The following IQCM variants were observed in gnomAD, a reference collection of about 807,000 sequenced individuals.
IQCM encodes the protein IQ motif containing M.
IQCM carries 45 observed loss-of-function variants against 57.6 expected under a neutral mutation model. That is an observed-to-expected ratio of 0.78 (90% CI 0.62 to 1.00). The LOEUF is 1.00. Among genes scored for constraint, IQCM ranks in the 50% least tolerant of loss-of-function variants. IQCM has a pLI of 0.00. For synonymous variants in IQCM, 148 were observed against 158.9 expected (o/e 0.93, Z 0.51); for missense variants, 468 against 511.6 (o/e 0.91, Z 0.82).
chr4:149,794,665 T>A (rs946326915), intron 2 of IQCM, among the ~76,000 whole-genome samples: 13 of 152,272 alleles, frequency 8.5e-5, no homozygotes, highest in African/African-American at 3.1e-4. Flanking sequence ...TTCTGTGTTG[T>A]GGTGGTGGAG....
At chr4:149,362,912 C>T (rs952829697) in intron 13 of IQCM, among the ~76,000 whole-genome samples, 1 of 152,108 alleles carries the variant, frequency 6.6e-6, no homozygotes, top group Non-Finnish European at 1.5e-5. Flanking sequence ...AGTCTTGTTC[C>T]AATAAGATAA....
intron 9 of IQCM, among the ~76,000 whole-genome samples, chr4:149,580,644 G>C (rs1045700917): frequency 6.6e-6 from 1 of 151,698 alleles, no homozygotes; most frequent in African/African-American, 2.4e-5. Flanking sequence ...GGTGGTCTTG[G>C]GTGATGGGAG....
At chr4:149,689,222 T>C (rs1468404562) in intron 5 of IQCM, among the ~76,000 whole-genome samples, 1 of 152,010 alleles carries the variant, frequency 6.6e-6, no homozygotes, top group African/African-American at 2.4e-5. Flanking sequence ...TGGAATACTA[T>C]GCAGCCAGAA....
At chr4:149,567,502 A>G (rs1750744119) in intron 9 of IQCM, among the ~76,000 whole-genome samples, 1 of 151,948 alleles carries the variant, frequency 6.6e-6, no homozygotes, top group African/African-American at 2.4e-5. Context: ...GTGTGCCACC[A>G]CACACAGCTA....
At chr4:149,494,988 A>G (rs925391031) in intron 12 of IQCM, among the ~76,000 whole-genome samples, 5 of 152,084 alleles carry the variant, frequency 3.3e-5, no homozygotes, top group Non-Finnish European at 5.9e-5. Flanking sequence ...CAGGATTGGA[A>G]CTGGAGGTAA....
intron 12 of IQCM, among the ~76,000 whole-genome samples, chr4:149,461,895 G>C (rs976808399): frequency 2.6e-5 from 4 of 151,746 alleles, no homozygotes; most frequent in African/African-American, 9.7e-5. Flanking sequence ...ATTTTCAACA[G>C]AAGAAATTTT....
chr4:149,555,526 G>A (rs1416596509), intron 10 of IQCM, among the ~76,000 whole-genome samples: 1 of 152,162 alleles, frequency 6.6e-6, no homozygotes, highest in African/African-American at 2.4e-5. Context: ...GTAAAGTCAG[G>A]AACACCCAGG....
chr4:149,742,502 G>T (rs1767550731), intron 3 of IQCM, among the ~76,000 whole-genome samples, 153 bp downstream of exon 3: 1 of 152,096 alleles, frequency 6.6e-6, no homozygotes, highest in Admixed American at 6.6e-5. Context: ...TCTCTCAAAA[G>T]TTGGTTATTT....
intron 7 of IQCM, among the ~76,000 whole-genome samples, chr4:149,667,833 G>A (rs535108008): frequency 7.8e-4 from 119 of 151,866 alleles, no homozygotes; most frequent in African/African-American, 2.7e-3. Context: ...GGACATCAGA[G>A]ATTGAAGATC....
chr4:149,785,235 AGAGT>A (rs1168433950), intron 2 of IQCM, among the ~76,000 whole-genome samples: 1 of 152,200 alleles, frequency 6.6e-6, no homozygotes, highest in African/African-American at 2.4e-5. Context: ...ATTCTAAGAG[AGAGT>A]GTGACCTTAG....
chr4:149,546,827 A>C (rs1249326049), intron 12 of IQCM, among the ~76,000 whole-genome samples: 2 of 152,194 alleles, frequency 1.3e-5, no homozygotes. Flanking sequence ...TAGTTTAATT[A>C]GATCCCATTT....
chr4:149,430,284 T>C (rs1053201260), intron 13 of IQCM, among the ~76,000 whole-genome samples: 1 of 151,954 alleles, frequency 6.6e-6, no homozygotes, highest in African/African-American at 2.4e-5. Flanking sequence ...CTTTTAAAAA[T>C]ACTACCAAAA....
intron 13 of IQCM, among the ~76,000 whole-genome samples, chr4:149,398,007 A>G (rs989194933): frequency 6.6e-6 from 1 of 151,988 alleles, no homozygotes; most frequent in African/African-American, 2.4e-5. Context: ...TAATGTCACA[A>G]AGGTTTTCCC....
rs1728615500 is a variant in IQCM at position 149,351,925 on chromosome 4, T to C, written c.*26A>G. The C allele has an allele frequency of 2.5e-6, 1 of 398,668 alleles. No homozygotes were observed. Among genetic ancestry groups the C allele is most frequent in the African/African-American group, 2.1e-5 (1 of 48,640 alleles). 24.7% of individuals were successfully genotyped at this position (398,668 alleles called of 1,614,324 possible). On this transcript the variant is annotated 3_prime_UTR_variant, in exon 14 of 14. Coordinates refer to ENST00000636793, the MANE Select transcript of IQCM (RefSeq NM_001363507.2). Reference sequence around the variant, plus strand: ...CTCTTTGGGTAGAGAAGTTTAACTATTACAGGTAATAATATGTTGGAAACA... The same window carrying C: ...CTCTTTGGGTAGAGAAGTTTAACTACTACAGGTAATAATATGTTGGAAACA...
chr4:149,458,479 T>C (rs1195860914), intron 12 of IQCM, among the ~76,000 whole-genome samples: 15 of 152,070 alleles, frequency 9.9e-5, no homozygotes, highest in Admixed American at 9.8e-4. Flanking sequence ...AGCTCTAAAG[T>C]ATAAGATTAT....
At chr4:149,655,557 C>T (rs536343488) in intron 7 of IQCM, among the ~76,000 whole-genome samples, 6 of 152,046 alleles carry the variant, frequency 3.9e-5, no homozygotes, top group Non-Finnish European at 8.8e-5. Context: ...GGGAATCATA[C>T]AAAATGGTAT....
chr4:149,666,896 G>A (rs1760780009), intron 7 of IQCM, among the ~76,000 whole-genome samples: 1 of 152,064 alleles, frequency 6.6e-6, no homozygotes, highest in Non-Finnish European at 1.5e-5. Flanking sequence ...CCCTGGGCAG[G>A]GCATCTCTGA....
At chr4:149,583,706 T>C (rs1752412038) in intron 9 of IQCM, among the ~76,000 whole-genome samples, 2 of 151,588 alleles carry the variant, frequency 1.3e-5, no homozygotes, top group Admixed American at 6.6e-5. Flanking sequence ...ACATTATGTA[T>C]AAAGTATTTT....
chr4:149,469,475 A>G (rs905942982), intron 12 of IQCM, among the ~76,000 whole-genome samples: 2 of 152,250 alleles, frequency 1.3e-5, no homozygotes, highest in African/African-American at 4.8e-5. Context: ...GGACTATGTG[A>G]AAAGACCAAA....
Sources: gnomAD v4.1 joint callset for allele counts (sites outside exome capture counted in the v4.1 genomes callset) on GRCh38, gnomAD v4.1.1 for gene constraint, MANE v1.5 for transcripts, NCBI Gene and HGNC (gene_info 2026-07-23, HGNC 2026-07-21) for gene names.